KIF6: variants seen among roughly 807,000 people sequenced by gnomAD.
KIF6 encodes kinesin family member 6, also known as kinesin-like protein KIF6.
Under a neutral mutation model 112.7 loss-of-function variants are expected in KIF6, and 106 were observed. The observed-to-expected ratio is 0.94, with a 90% CI of 0.80 to 1.11. The LOEUF is 1.11. Ranked by LOEUF, KIF6 falls within the 50% of genes least tolerant of loss-of-function variation. KIF6 has a pLI of 0.00. For synonymous variants in KIF6, 339 were observed against 339.9 expected (o/e 1.00, Z 0.03); for missense variants, 929 against 964.0 (o/e 0.96, Z 0.48).
Position 39,544,557 on chromosome 6 carries a change from A to C in KIF6, c.1424T>G (p.Ile475Ser). Residue 475 changes from isoleucine to serine, a missense_variant and splice_region_variant, in exon 12 of 23, where the codon ATC becomes AGC. By Grantham distance (142) the Ile-to-Ser change is moderately radical. Around this residue, in one of 2 missense-constraint regions of KIF6, gnomAD observed 688 missense variants for 662.7 expected, o/e 1.04. Transcript: ENST00000287152. ...CTTCATCACTTCAGAAAGGATACTGATTTCGTTATCTCTCTGTTTCAGAAT... is the reference window on the plus strand; with the variant it reads ...CTTCATCACTTCAGAAAGGATACTGCTTTCGTTATCTCTCTGTTTCAGAAT... Reference protein sequence around the residue: ...RDILKQRDNEINILVNMLKKE... With the variant: ...RDILKQRDNESNILVNMLKKE... 1 of 1,611,504 alleles carries C rather than the reference A, an allele frequency of 6.2e-7. No individual in the cohort carries two copies. The highest frequency in any genetic ancestry group is 8.5e-7 in the Non-Finnish European group (1 of 1,179,216).
chr6:39,625,757 T>C (rs2150743228), intron 5 of KIF6, among the ~76,000 whole-genome samples: 1 of 152,166 alleles, frequency 6.6e-6, no homozygotes, highest in East Asian at 1.9e-4. Flanking sequence ...ACACAAAATG[T>C]GTAGGCCAAA....
At chr6:39,432,987 G>A (rs1562212363) in intron 13 of KIF6, among the ~76,000 whole-genome samples, 1 of 152,126 alleles carries the variant, frequency 6.6e-6, no homozygotes, top group Non-Finnish European at 1.5e-5. Flanking sequence ...GTGGGTGAAA[G>A]GGGTGTGGGG....
chr6:39,576,789 T>C (rs1419190431), intron 10 of KIF6, among the ~76,000 whole-genome samples: 1 of 152,212 alleles, frequency 6.6e-6, no homozygotes, highest in Non-Finnish European at 1.5e-5. Context: ...CTTCATTTCC[T>C]GTTTAGTTTC....
At chr6:39,407,755 T>C (rs1313211650) in intron 15 of KIF6, among the ~76,000 whole-genome samples, 5 of 152,308 alleles carry the variant, frequency 3.3e-5, no homozygotes, top group East Asian at 3.9e-4. Context: ...ATTCATGTAG[T>C]GGTTAGTGGT....
At chr6:39,466,281 C>A (rs1401668657) in intron 13 of KIF6, among the ~76,000 whole-genome samples, 1 of 152,144 alleles carries the variant, frequency 6.6e-6, no homozygotes, top group Non-Finnish European at 1.5e-5. Context: ...CACCGGCTGC[C>A]AGGATTCTTT....
intron 3 of KIF6, chr6:39,690,009 T>G (rs1410301139): frequency 6.6e-6 from 1 of 152,232 alleles, no homozygotes; most frequent in Admixed American, 6.5e-5. Context: ...AAAATCACAT[T>G]TTTAATTATC....
At chr6:39,369,339 T>C (rs1420347948) in intron 16 of KIF6, among the ~76,000 whole-genome samples, 1 of 152,140 alleles carries the variant, frequency 6.6e-6, no homozygotes, top group Admixed American at 6.5e-5. Context: ...TGCGGACACA[T>C]GGCTGTACCT....
chr6:39,401,464 G>A (rs1235148519), intron 15 of KIF6, among the ~76,000 whole-genome samples: 1 of 152,154 alleles, frequency 6.6e-6, no homozygotes, highest in Non-Finnish European at 1.5e-5. Flanking sequence ...GGGGGCAATG[G>A]CAAGCCATTT....
chr6:39,496,086 G>C (rs1775766362), intron 13 of KIF6, among the ~76,000 whole-genome samples: 1 of 152,186 alleles, frequency 6.6e-6, no homozygotes, highest in Admixed American at 6.5e-5. Flanking sequence ...CTGCCAGCCT[G>C]TTTTTCTTCT....
At chr6:39,511,950 G>A (rs1204666010) in intron 13 of KIF6, among the ~76,000 whole-genome samples, 1 of 152,168 alleles carries the variant, frequency 6.6e-6, no homozygotes, top group African/African-American at 2.4e-5. Context: ...GTTGAGGGGT[G>A]GGGGACTGGG....
At chr6:39,525,511 T>C (rs1582049470) in intron 13 of KIF6, among the ~76,000 whole-genome samples, 1 of 152,110 alleles carries the variant, frequency 6.6e-6, no homozygotes, top group African/African-American at 2.4e-5. Context: ...TCCCAGCACT[T>C]TGGGAGGCTG....
chr6:39,343,528 C>T lies in KIF6; in HGVS notation c.2428+181G>A, dbSNP rs560613086. 101 of 1,420,322 alleles carry T rather than the reference C, an allele frequency of 7.1e-5. No homozygotes were observed. The highest frequency in any genetic ancestry group is 8.5e-6 in the Non-Finnish European group (9 of 1,056,352). The allele number at this position is 1,420,322 out of a possible 1,614,324, so 88.0% of individuals were successfully genotyped here. A position where few individuals can be genotyped will look rare whatever the true frequency, so the allele number is the denominator to read the frequency against. ...GCCTGTCTTGGTGTTTCTGATGCTGCCCCTTGAGGCTTTCTCGAGAAGGAA... is the reference window on the plus strand; with the variant it reads ...GCCTGTCTTGGTGTTTCTGATGCTGTCCCTTGAGGCTTTCTCGAGAAGGAA... On this transcript the variant is annotated intron_variant, in intron 22 of 22. Coordinates refer to ENST00000287152, the MANE Select transcript of KIF6 (RefSeq NM_145027.6). This position sits in a 1 kb window ranked among gnomAD's most constrained non-coding sequence, Gnocchi z 4.1.
chr6:39,353,891 C>A, intron 19 of KIF6: 1 of 571,796 alleles, frequency 1.7e-6, no homozygotes, highest in Non-Finnish European at 3.1e-6. Context: ...CCAGTTCCTA[C>A]TGCTAAGTGG....
chr6:39,500,581 G>A lies in KIF6; in HGVS notation c.1645+39422C>T, dbSNP rs140731269. On this transcript the variant is annotated intron_variant, in intron 13 of 22. Coordinates refer to ENST00000287152, the MANE Select transcript of KIF6 (RefSeq NM_145027.6). ...TTACTAATGTTACAATCTGAGGCAA[G>A]TTGCTTAACCTTTCTCCTCCTGGGT... Among the ~76,000 whole-genome samples the A allele has an allele frequency of 7.6e-4, 116 of 152,342 alleles. 1 individual carries two copies. Among genetic ancestry groups the A allele is most frequent in the African/African-American group, 2.7e-3 (114 of 41,576 alleles).
At chr6:39,345,613 G>C (rs1763644304) in intron 21 of KIF6, 87 bp downstream of exon 21, 1 of 1,098,504 alleles carries the variant, frequency 9.1e-7, no homozygotes. Flanking sequence ...CTGGACGAGG[G>C]GCTTTTTCGG....
intron 5 of KIF6, among the ~76,000 whole-genome samples, chr6:39,628,160 A>G (rs1416689972): frequency 1.3e-5 from 2 of 152,114 alleles, no homozygotes; most frequent in East Asian, 3.9e-4. Flanking sequence ...GCAAAACTAT[A>G]GTATTAAAAT....
chr6:39,401,073 G>A (rs567153589), intron 15 of KIF6, among the ~76,000 whole-genome samples: 28 of 152,332 alleles, frequency 1.8e-4, no homozygotes, highest in South Asian at 1.7e-3. Context: ...GGTGAACAAT[G>A]GGTAAGCTAA....
chr6:39,553,188 G>C (rs2150581743), intron 10 of KIF6, among the ~76,000 whole-genome samples: 2 of 152,294 alleles, frequency 1.3e-5, no homozygotes, highest in East Asian at 3.9e-4. Flanking sequence ...TACATGCAAG[G>C]AATTGAGTTC....
At chr6:39,687,540 T>C (rs1787947446) in intron 3 of KIF6, among the ~76,000 whole-genome samples, 1 of 152,104 alleles carries the variant, frequency 6.6e-6, no homozygotes, top group Non-Finnish European at 1.5e-5. Flanking sequence ...AGGGAAAAAA[T>C]AATCAGCATC....
Sources: gnomAD v4.1 joint callset for allele counts (sites outside exome capture counted in the v4.1 genomes callset) on GRCh38, gnomAD v4.1.1 for gene constraint, gnomAD v4.1.1 regional missense constraint, Gnocchi (gnomAD v3.1) non-coding constraint, MANE v1.5 for transcripts, NCBI Gene and HGNC (gene_info 2026-07-23, HGNC 2026-07-21) for gene names.